ARHGAP31: variants seen among roughly 807,000 people sequenced by gnomAD.
The protein encoded by ARHGAP31 is Rho GTPase activating protein 31.
In ARHGAP31, 34 loss-of-function variants were observed where a neutral mutation model predicts 113.9. That is an observed-to-expected ratio of 0.30 (90% CI 0.23 to 0.40). The LOEUF is 0.40. ARHGAP31 is among the 10% of genes least tolerant of loss of function. The probability of loss-of-function intolerance (pLI) is 1.00; values close to 1 mark genes in which losing one functional copy is unlikely to be tolerated. For synonymous variants in ARHGAP31, 650 were observed against 684.8 expected, an observed-to-expected ratio of 0.95 and a Z score of 0.79; for missense variants, 1,548 against 1,767.1, an observed-to-expected ratio of 0.88 and a Z score of 2.22.
chr3:119,360,653 GAAAT>G (rs1283636950), intron 1 of ARHGAP31, among the ~76,000 whole-genome samples: 3 of 152,244 alleles, frequency 2.0e-5, no homozygotes, highest in East Asian at 3.9e-4. Flanking sequence ...CTGTTAGTAG[GAAAT>G]AAATAAAACA....
intron 8 of ARHGAP31, among the ~76,000 whole-genome samples, chr3:119,397,115 C>T (rs1360422324): frequency 1.3e-5 from 2 of 152,186 alleles, no homozygotes; most frequent in Admixed American, 6.5e-5. Context: ...AGGCCAAGGT[C>T]CCAGACAGAA....
intron 1 of ARHGAP31, among the ~76,000 whole-genome samples, chr3:119,347,980 T>C (rs1055070183): frequency 6.6e-6 from 1 of 152,238 alleles, no homozygotes; most frequent in Non-Finnish European, 1.5e-5. Context: ...GTGTCTTTTA[T>C]ATCAGGGGTG....
At chr3:119,324,012 C>T (rs989079223) in intron 1 of ARHGAP31, among the ~76,000 whole-genome samples, 1 of 152,148 alleles carries the variant, frequency 6.6e-6, no homozygotes, top group Non-Finnish European at 1.5e-5. Flanking sequence ...GCACAAGGAC[C>T]CTTTGCTGCG....
chr3:119,359,680 A>G (rs1315698103), intron 1 of ARHGAP31, among the ~76,000 whole-genome samples: 2 of 152,088 alleles, frequency 1.3e-5, no homozygotes, highest in Non-Finnish European at 2.9e-5. Context: ...GGGATGGGGA[A>G]AGGATGGGAC....
intron 1 of ARHGAP31, among the ~76,000 whole-genome samples, chr3:119,327,936 GT>G (rs1397843349): frequency 2.0e-5 from 3 of 152,196 alleles, no homozygotes; most frequent in Non-Finnish European, 4.4e-5. Context: ...TCTTGCTACT[GT>G]TTAATTTTAG....
At chr3:119,401,462 C>T (rs1467418520) in intron 9 of ARHGAP31, among the ~76,000 whole-genome samples, 1 of 152,136 alleles carries the variant, frequency 6.6e-6, no homozygotes, top group East Asian at 1.9e-4. Context: ...CCTACCGCCT[C>T]CCATCTGTCT....
At chr3:119,334,404 A>C (rs542841517) in intron 1 of ARHGAP31, among the ~76,000 whole-genome samples, 2 of 152,274 alleles carry the variant, frequency 1.3e-5, no homozygotes, top group South Asian at 4.1e-4. Context: ...CTGCTTCTGG[A>C]AACATCCAAA....
At position 119,402,169 on chromosome 3, in the gene ARHGAP31, A is replaced by T; in HGVS notation, c.1417A>T (p.Met473Leu). ...KSVFTSSLFQMEPSPRNQRKA... is the reference protein window; with the variant it reads ...KSVFTSSLFQLEPSPRNQRKA... ...CGTCTTCACCAGCAGCCTCTTCCAGATGGAGCCCTCGCCGCGTAACCAGCG... is the reference window on the plus strand; with the variant it reads ...CGTCTTCACCAGCAGCCTCTTCCAGTTGGAGCCCTCGCCGCGTAACCAGCG... Residue 473 changes from methionine to leucine, a missense_variant, in exon 10 of 12, where the codon ATG (methionine) becomes TTG (leucine). Met to Leu is a conservative substitution (Grantham distance 15). Transcript: ENST00000264245. 6.2e-7 allele frequency: 1 copy of T among 1,614,252 alleles called. No individual in the cohort carries two copies.
chr3:119,406,203 C>G (rs2080659148), intron 10 of ARHGAP31, among the ~76,000 whole-genome samples: 1 of 152,118 alleles, frequency 6.6e-6, no homozygotes, highest in Admixed American at 6.5e-5. Context: ...GTGATAGGTA[C>G]AAACTCATGG....
Position 119,416,037 on chromosome 3 carries a change from A to G in ARHGAP31, c.4108A>G (p.Lys1370Glu). 1.2e-6 allele frequency: 2 copies of G among 1,614,168 alleles called. No individual in the cohort carries two copies. The highest frequency in any genetic ancestry group is 2.2e-5 in the South Asian group (2 of 91,080). The change falls in exon 12 of 12, where the codon AAG becomes GAG. Residue 1370 changes from lysine to glutamate, a missense_variant. Lys to Glu is a moderately conservative substitution (Grantham distance 56). Coordinates refer to ENST00000264245, the MANE Select transcript of ARHGAP31 (RefSeq NM_020754.4). ...LPPSSTVTDS[K>E]VLLSPIRSPT... ...CCCTTCATCCACAGTGACAGATTCC[A>G]AGGTCCTGCTGTCCCCTATCAGAAG...
Position 119,370,405 on chromosome 3 carries a change from G to A in ARHGAP31, c.348+1889G>A, listed in dbSNP as rs568438554. 4.6e-5 allele frequency among the ~76,000 whole-genome samples: 7 copies of A among 152,240 alleles called. No homozygotes were observed. In the South Asian group the frequency reaches 1.5e-3, roughly 32 times the overall value. On this transcript the variant is annotated intron_variant, in intron 3 of 11. Transcript: ENST00000264245. ...CCATAGTGTTTTTGTTGTGGTTTGT[G>A]TTTTGTTTTCCAAAATCAAAATAAA...
At chr3:119,382,745 C>T (rs1333457186) in intron 5 of ARHGAP31, among the ~76,000 whole-genome samples, 1 of 152,116 alleles carries the variant, frequency 6.6e-6, no homozygotes, top group East Asian at 1.9e-4. Context: ...GAATCAGCTG[C>T]TCCATATGAT....
rs769848017 is a variant in ARHGAP31, at chr3:119,383,125, C to G, written c.581C>G (p.Ala194Gly). The change falls in exon 6 of 12, where the codon GCC becomes GGC. Residue 194 changes from alanine (A) to glycine (G), a missense_variant. Coordinates refer to ENST00000264245, the MANE Select transcript of ARHGAP31 (RefSeq NM_020754.4). ...IEATGCNGDA[A>G]FLAVRVQQVV... ...GCCACTGGTTGCAATGGAGATGCAG[C>G]CTTCCTTGCAGTCCGGGTCCAGCAG... 22 of 1,614,186 alleles carry G rather than the reference C, an allele frequency of 1.4e-5. No individual in the cohort carries two copies. Among genetic ancestry groups the G allele is most frequent in the Non-Finnish European group, 1.9e-5 (22 of 1,180,036 alleles).
At chr3:119,363,364 C>G (rs989079952) in intron 1 of ARHGAP31, among the ~76,000 whole-genome samples, 1 of 152,138 alleles carries the variant, frequency 6.6e-6, no homozygotes, top group African/African-American at 2.4e-5. Flanking sequence ...CAGGCAGAGG[C>G]TCTGGACCCC....
At chr3:119,361,026 C>T (rs1312377174) in intron 1 of ARHGAP31, among the ~76,000 whole-genome samples, 1 of 152,194 alleles carries the variant, frequency 6.6e-6, no homozygotes, top group Non-Finnish European at 1.5e-5. Flanking sequence ...TATAACTACT[C>T]AGCTATTTTG....
chr3:119,409,236 G>A (rs1179934849), intron 10 of ARHGAP31, among the ~76,000 whole-genome samples: 1 of 152,206 alleles, frequency 6.6e-6, no homozygotes, highest in East Asian at 1.9e-4. Flanking sequence ...GAAGAAAACG[G>A]TAGGAGCAAG....
chr3:119,332,629 TCTCTCTCACACACACACACACACACA>T (rs1247596942), intron 1 of ARHGAP31, among the ~76,000 whole-genome samples: 3 of 120,536 alleles, frequency 2.5e-5, no homozygotes, highest in African/African-American at 1.1e-4. Flanking sequence ...TCTCTCTCTC[TCTCTCTCACACACACACACACACACA>T]CACACACACA....
At chr3:119,331,298 G>GA (rs1167382704) in intron 1 of ARHGAP31, among the ~76,000 whole-genome samples, 1 of 151,968 alleles carries the variant, frequency 6.6e-6, no homozygotes, top group African/African-American at 2.4e-5. Context: ...TTGTATTTGG[G>GA]AAAAAAAGAC....
At position 119,402,305 on chromosome 3, in the gene ARHGAP31, C is replaced by A. The variant is rs971711449; in HGVS notation, c.1553C>A (p.Ser518Tyr). The change falls in exon 10 of 12, where the codon TCT (serine) becomes TAT (tyrosine). Residue 518 changes from serine (S) to tyrosine (Y), a missense_variant. By Grantham distance (144) the Ser-to-Tyr change is moderately radical (BLOSUM62 -2). Transcript: ENST00000264245. ...PCRTPPKELQ[S>Y]LSSLEEFSFH... ...AGAACACCCCCGAAGGAGCTGCAGT[C>A]TCTTTCCAGCCTGGAAGAGTTTTCT... 1 of 1,614,110 alleles carries A rather than the reference C, an allele frequency of 6.2e-7. No individual in the cohort carries two copies. Among genetic ancestry groups the A allele is most frequent in the African/African-American group, 1.3e-5 (1 of 74,950 alleles).
Sources: gnomAD v4.1 joint callset for allele counts (sites outside exome capture counted in the v4.1 genomes callset) on GRCh38, gnomAD v4.1.1 for gene constraint, MANE v1.5 for transcripts, NCBI Gene and HGNC (gene_info 2026-07-23, HGNC 2026-07-21) for gene names.